Variants in AK5 observed in about 807,000 individuals in gnomAD.
AK5 encodes the protein adenylate kinase 5.
In AK5, 27 loss-of-function variants were observed where a neutral mutation model predicts 69.5. The ratio of observed to expected loss-of-function variants is 0.39; its 90% CI spans 0.29 to 0.54. AK5 has a LOEUF of 0.54. AK5 is among the 20% of genes least tolerant of loss of function. AK5 has a pLI of 0.71. For missense variants in AK5, 531 were observed against 700.4 expected (o/e 0.76, Z 2.73); for synonymous variants, 260 against 244.4 (o/e 1.06, Z -0.60).
intron 6 of AK5, among the ~76,000 whole-genome samples, chr1:77,391,392 T>A (rs111958037): frequency 0.25 from 32,267 of 129,856 alleles, 4,062 homozygotes; most frequent in Middle Eastern, 0.36. Flanking sequence ...AAAAAAAAAA[T>A]ATATATATAT....
At chr1:77,353,043 CTTAA>C (rs1662294455) in intron 6 of AK5, among the ~76,000 whole-genome samples, 1 of 152,004 alleles carries the variant, frequency 6.6e-6, no homozygotes, top group African/African-American at 2.4e-5. Flanking sequence ...CCTTTACATA[CTTAA>C]TTATTTTTTT....
chr1:77,393,224 C>T (rs1648604247), intron 6 of AK5, among the ~76,000 whole-genome samples: 1 of 152,152 alleles, frequency 6.6e-6, no homozygotes, highest in African/African-American at 2.4e-5. Context: ...GTTATTACTA[C>T]TTCAGAGTAA....
At chr1:77,441,904 A>G (rs1652352612) in intron 8 of AK5, among the ~76,000 whole-genome samples, 1 of 152,088 alleles carries the variant, frequency 6.6e-6, no homozygotes, top group Admixed American at 6.5e-5. Flanking sequence ...TAGGTTGTTC[A>G]CAGAGCCAGG....
chr1:77,394,718 T>A (rs1433187489), intron 6 of AK5, among the ~76,000 whole-genome samples: 1 of 152,166 alleles, frequency 6.6e-6, no homozygotes, highest in Non-Finnish European at 1.5e-5. Flanking sequence ...AGTTCCTACT[T>A]GGACAGGGAG....
intron 5 of AK5, among the ~76,000 whole-genome samples, chr1:77,321,291 G>A (rs1049512984): frequency 1.3e-5 from 2 of 152,096 alleles, no homozygotes; most frequent in African/African-American, 2.4e-5. Context: ...GGCCAACACG[G>A]TGAAACCCCA....
At chr1:77,355,837 G>T (rs181212197) in intron 6 of AK5, among the ~76,000 whole-genome samples, 16 of 149,348 alleles carry the variant, frequency 1.1e-4, no homozygotes, top group Admixed American at 8.8e-4. Context: ...GACATTACTG[G>T]ACTGTGAATT....
At chr1:77,417,344 A>G (rs1650499594) in intron 7 of AK5, among the ~76,000 whole-genome samples, 1 of 152,120 alleles carries the variant, frequency 6.6e-6, no homozygotes, top group Non-Finnish European at 1.5e-5. Flanking sequence ...CACCTCTACT[A>G]CTAATCAGAA....
rs151028118 is a variant in AK5, at chr1:77,288,171, C to A, written c.247+1044C>A. 5.3e-5 allele frequency among the ~76,000 whole-genome samples: 8 copies of A among 152,120 alleles called. No individual in the cohort carries two copies. The South Asian group carries it at 1.7e-3, about 32-fold the overall frequency. On this transcript the variant is annotated intron_variant, in intron 2 of 13. Transcript: ENST00000354567. The stretch of plus-strand genomic sequence containing the variant: ...TTAGGAGTTGTTTAGAACTAAAAAC[C>A]GCAGTTCATTAGAGAAGATTTGTGG...
At chr1:77,410,098 G>A (rs12735922) in intron 6 of AK5, among the ~76,000 whole-genome samples, 1 of 152,048 alleles carries the variant, frequency 6.6e-6, no homozygotes, top group East Asian at 1.9e-4. Flanking sequence ...AGAAAATAGA[G>A]AATTCATAAA....
intron 3 of AK5, among the ~76,000 whole-genome samples, chr1:77,295,899 T>A (rs1269877143): frequency 6.6e-6 from 1 of 152,176 alleles, no homozygotes; most frequent in Non-Finnish European, 1.5e-5. Context: ...TCTCTCCCAC[T>A]TCACATTTCT....
At chr1:77,328,046 A>G (rs894370810) in intron 5 of AK5, among the ~76,000 whole-genome samples, 1 of 152,230 alleles carries the variant, frequency 6.6e-6, no homozygotes, top group African/African-American at 2.4e-5. Flanking sequence ...CTTCTAGCTC[A>G]TAATAGGATC....
chr1:77,314,532 A>C (rs1314925848), intron 5 of AK5: 2 of 152,686 alleles, frequency 1.3e-5, no homozygotes, highest in African/African-American at 4.8e-5. Flanking sequence ...ATACACAATC[A>C]TATATTTATG....
intron 8 of AK5, among the ~76,000 whole-genome samples, chr1:77,437,969 T>C (rs1206924144): frequency 2.6e-5 from 4 of 152,114 alleles, no homozygotes; most frequent in Non-Finnish European, 5.9e-5. Context: ...TTTAATTAAC[T>C]AAAGCAATTG....
chr1:77,515,587 G>A (rs769378113), intron 10 of AK5, among the ~76,000 whole-genome samples: 6 of 152,194 alleles, frequency 3.9e-5, no homozygotes, highest in Non-Finnish European at 5.9e-5. Flanking sequence ...TTGCAGGGCC[G>A]GCGACCAGTG....
chr1:77,466,531 G>C (rs1395684794), intron 8 of AK5, among the ~76,000 whole-genome samples: 1 of 152,158 alleles, frequency 6.6e-6, no homozygotes, highest in East Asian at 1.9e-4. Context: ...CCTCATTGAT[G>C]TTAACAAGAG....
intron 5 of AK5, among the ~76,000 whole-genome samples, chr1:77,313,615 C>T (rs1660079017): frequency 6.6e-6 from 1 of 152,064 alleles, no homozygotes; most frequent in Non-Finnish European, 1.5e-5. Flanking sequence ...CCATCACCAA[C>T]CTGGTCCTTA....
In AK5 at chr1:77,434,422, CA is replaced by C. The variant is rs371412826; in HGVS notation, c.1059+16708del. ...GAGAGATACAGTCTTTGAGGCTCTC[CA>C]GGGCCCAACTGGAAAAATCACAAAA... On this transcript the variant is annotated intron_variant, in intron 8 of 13. Transcript: ENST00000354567. Among the ~76,000 whole-genome samples, 217 of 152,216 alleles carry C rather than the reference CA, an allele frequency of 1.4e-3. 1 individual carries two copies. The highest frequency in any genetic ancestry group is 5.1e-3 in the African/African-American group (213 of 41,554).
intron 5 of AK5, among the ~76,000 whole-genome samples, chr1:77,298,949 G>C (rs1336256721): frequency 6.6e-6 from 1 of 152,118 alleles, no homozygotes; most frequent in African/African-American, 2.4e-5. Flanking sequence ...CTCCTTTCCT[G>C]AGAAATAGGA....
intron 10 of AK5, among the ~76,000 whole-genome samples, chr1:77,515,987 C>T (rs577758498): frequency 1.4e-4 from 21 of 152,050 alleles, no homozygotes; most frequent in Non-Finnish European, 2.6e-4. Context: ...TGCTTCAGCC[C>T]GGGAGTTTTG....
Sources: gnomAD v4.1 joint callset for allele counts (sites outside exome capture counted in the v4.1 genomes callset) on GRCh38, gnomAD v4.1.1 for gene constraint, MANE v1.5 for transcripts, NCBI Gene and HGNC (gene_info 2026-07-23, HGNC 2026-07-21) for gene names.